LMTK2: variants seen among roughly 807,000 people sequenced by gnomAD.
The protein encoded by LMTK2 is serine/threonine-protein kinase LMTK2.
LMTK2 carries 37 observed loss-of-function variants against 127.5 expected under a neutral mutation model. That is an observed-to-expected ratio of 0.29 (90% CI 0.22 to 0.38). LMTK2 has a LOEUF of 0.38. Ranked by LOEUF, LMTK2 falls within the 10% of genes least tolerant of loss-of-function variation. The probability of loss-of-function intolerance (pLI) is 1.00; values close to 1 mark genes in which losing one functional copy is unlikely to be tolerated. For missense variants in LMTK2, 1,694 were observed against 1,920.3 expected (o/e 0.88, Z 2.20); for synonymous variants, 819 against 810.1 (o/e 1.01, Z -0.19).
At chr7:98,121,386 TG>T (rs1796358675) in intron 1 of LMTK2, among the ~76,000 whole-genome samples, 1 of 151,962 alleles carries the variant, frequency 6.6e-6, no homozygotes, top group South Asian at 2.1e-4. Flanking sequence ...CCCAGCACTT[TG>T]GGAGGCCAAG....
At chr7:98,195,977 G>C (rs918584018) in intron 11 of LMTK2, among the ~76,000 whole-genome samples, 3 of 152,210 alleles carry the variant, frequency 2.0e-5, no homozygotes, top group African/African-American at 4.8e-5. Flanking sequence ...ATCACCTGAC[G>C]TCGGGAATTC....
chr7:98,175,799 T>C (rs1454670010), intron 7 of LMTK2, among the ~76,000 whole-genome samples: 1 of 152,178 alleles, frequency 6.6e-6, no homozygotes, highest in African/African-American at 2.4e-5. Context: ...GGAAAGACTG[T>C]AATCAGCCGA....
chr7:98,136,670 A>G (rs1169691491), intron 1 of LMTK2, among the ~76,000 whole-genome samples: 1 of 152,246 alleles, frequency 6.6e-6, no homozygotes, highest in Non-Finnish European at 1.5e-5. Context: ...TCACCTCACC[A>G]GGCATAGGTC....
At chr7:98,204,691 TGTG>T (rs976956862) in intron 13 of LMTK2, among the ~76,000 whole-genome samples, 2 of 152,194 alleles carry the variant, frequency 1.3e-5, no homozygotes, top group African/African-American at 2.4e-5. Context: ...CCCTGCCTGT[TGTG>T]GTCACTCTCA....
chr7:98,154,325 A>G (rs1246228565), intron 4 of LMTK2, among the ~76,000 whole-genome samples: 1 of 152,230 alleles, frequency 6.6e-6, no homozygotes, highest in Non-Finnish European at 1.5e-5. Context: ...AGCTTTCGTC[A>G]GTTTACTTTC....
chr7:98,137,134 A>G (rs1269688854), intron 1 of LMTK2, among the ~76,000 whole-genome samples, 181 bp from the exon 2 acceptor site: 2 of 152,208 alleles, frequency 1.3e-5, no homozygotes, highest in African/African-American at 4.8e-5. Flanking sequence ...ACTCCTCTGT[A>G]AATCTAAATT....
chr7:98,184,326 G>A (rs1474465654), intron 7 of LMTK2, among the ~76,000 whole-genome samples: 1 of 152,034 alleles, frequency 6.6e-6, no homozygotes, highest in Non-Finnish European at 1.5e-5. Flanking sequence ...TTTTCTGTCT[G>A]TTAGGAGACT....
intron 2 of LMTK2, among the ~76,000 whole-genome samples, chr7:98,139,016 A>T (rs542323485): frequency 6.6e-6 from 1 of 152,314 alleles, no homozygotes; most frequent in South Asian, 2.1e-4. Flanking sequence ...TGGTCCGTGG[A>T]AGTCATTTTA....
At chr7:98,189,488 C>T (rs1562919344) in intron 9 of LMTK2, among the ~76,000 whole-genome samples, 1 of 151,992 alleles carries the variant, frequency 6.6e-6, no homozygotes. Context: ...CTTTTTAAAA[C>T]GTGAGTTTTC....
At chr7:98,127,705 G>T (rs1010836919) in intron 1 of LMTK2, among the ~76,000 whole-genome samples, 3 of 152,178 alleles carry the variant, frequency 2.0e-5, no homozygotes, top group African/African-American at 7.2e-5. Context: ...GAGTGGAATT[G>T]GAGTGTTGCT....
intron 2 of LMTK2, 67 bp downstream of exon 2, chr7:98,137,509 A>C: frequency 1.4e-6 from 2 of 1,464,876 alleles, no homozygotes; most frequent in Middle Eastern, 3.6e-4. Context: ...ATAACTGGAT[A>C]GCACAGTCCT....
Position 98,132,282 on chromosome 7 carries a change from A to C in LMTK2, c.104-5033A>C, listed in dbSNP as rs931574028. On this transcript the variant is annotated intron_variant, in intron 1 of 13. Coordinates refer to ENST00000297293, the MANE Select transcript of LMTK2 (RefSeq NM_014916.4). ...TTTTTTTTTTTTGAGACGGAGTCTC[A>C]CTCTGTCGCCCAGGCTGGAGTGCAG... Among the ~76,000 whole-genome samples, 3 of 150,214 alleles carry C rather than the reference A, an allele frequency of 2.0e-5. No homozygotes were observed. In the South Asian group the frequency reaches 6.3e-4, roughly 31 times the overall value.
At chr7:98,107,304 G>C (rs1208221851) in intron 1 of LMTK2, 24 bp downstream of exon 1, 7 of 1,305,048 alleles carry the variant, frequency 5.4e-6, no homozygotes, top group Non-Finnish European at 3.9e-6. Context: ...CGGCGGGGAC[G>C]GGGCTGCGGG....
At chr7:98,116,715 A>T (rs1422512555) in intron 1 of LMTK2, among the ~76,000 whole-genome samples, 1 of 152,198 alleles carries the variant, frequency 6.6e-6, no homozygotes, top group Non-Finnish European at 1.5e-5. Context: ...AACAAGTATT[A>T]ATATATTGCT....
intron 7 of LMTK2, among the ~76,000 whole-genome samples, chr7:98,178,949 T>C (rs576146647): frequency 6.6e-6 from 1 of 152,250 alleles, no homozygotes; most frequent in East Asian, 1.9e-4. Context: ...TGAGATGAGC[T>C]CCTGGCCTCC....
intron 1 of LMTK2, among the ~76,000 whole-genome samples, chr7:98,121,159 G>C (rs1391819785): frequency 1.3e-5 from 2 of 152,272 alleles, no homozygotes; most frequent in East Asian, 3.9e-4. Flanking sequence ...CTGGTGAACC[G>C]CATTGTGCTT....
chr7:98,122,619 C>G (rs1264928604), intron 1 of LMTK2, among the ~76,000 whole-genome samples: 10 of 152,052 alleles, frequency 6.6e-5, no homozygotes, highest in Non-Finnish European at 4.4e-5. Flanking sequence ...GTCTCCTGCT[C>G]CTGGACCCTT....
In LMTK2 at chr7:98,190,839, C is replaced by G. The variant is rs773407117; in HGVS notation, c.1110C>G (p.Leu370=). Residue 370 remains leucine (L), a synonymous_variant, in exon 10 of 14, where the codon CTC becomes CTG. Transcript: ENST00000297293. ...NQVIRERDTK[L]PKPQLEQPYS... The stretch of plus-strand genomic sequence containing the variant: ...TCATTAGAGAGAGAGACACAAAACT[C>G]CCGAAGCCCCAGCTGGAGCAGCCCT... 78 of 1,614,022 alleles carry G rather than the reference C, an allele frequency of 4.8e-5. 1 individual carries two copies. The highest frequency in any genetic ancestry group is 6.4e-5 in the Non-Finnish European group (75 of 1,180,024).
At position 98,193,021 on chromosome 7, in the gene LMTK2, C is replaced by T. The variant is rs753563271; in HGVS notation, c.2556C>T (p.Asp852=). The T allele has an allele frequency of 6.2e-7, 1 of 1,613,966 alleles. No homozygotes were observed. The highest frequency in any genetic ancestry group is 8.5e-7 in the Non-Finnish European group (1 of 1,179,942). ...GTTTAGATGTTATTGTCCCGGAGGA[C>T]TGTCTCCACCAGGACATCAGTCCAG... ...PTCLDVIVPE[D]CLHQDISPDA... The change falls in exon 11 of 14, where the codon GAC becomes GAT. Residue 852 remains aspartate (D), a synonymous_variant. Coordinates refer to ENST00000297293, the MANE Select transcript of LMTK2 (RefSeq NM_014916.4). This position sits in a 1 kb window ranked among gnomAD's most constrained non-coding sequence, Gnocchi z 4.1.
Sources: allele counts gnomAD v4.1 joint callset (sites outside exome capture counted in the v4.1 genomes callset), GRCh38; gene constraint gnomAD v4.1.1; non-coding constraint Gnocchi (gnomAD v3.1); transcripts MANE v1.5; gene names NCBI Gene and HGNC (gene_info 2026-07-23, HGNC 2026-07-21).